Variants in CPXM2 observed in about 807,000 individuals in gnomAD.
The protein encoded by CPXM2 is carboxypeptidase X, M14 family member 2.
Under a neutral mutation model 86.1 loss-of-function variants are expected in CPXM2, and 66 were observed. That is an observed-to-expected ratio of 0.77 (90% CI 0.63 to 0.94). The LOEUF (loss-of-function observed/expected upper bound fraction) is 0.94. Among genes scored for constraint, CPXM2 ranks in the 40% least tolerant of loss-of-function variants. The probability of loss-of-function intolerance (pLI) is 0.00; values close to 1 mark genes in which losing one functional copy is unlikely to be tolerated. For missense variants in CPXM2, 948 were observed against 1,026.3 expected (o/e 0.92, Z 1.04); for synonymous variants, 388 against 400.2 (o/e 0.97, Z 0.36).
chr10:123,839,204 T>C (rs1848335803), intron 4 of CPXM2, among the ~76,000 whole-genome samples: 1 of 152,140 alleles, frequency 6.6e-6, no homozygotes, highest in Non-Finnish European at 1.5e-5. Flanking sequence ...AGTTATCCCA[T>C]TTTTAGAGAA....
At chr10:123,805,744 G>T (rs1259691763) in intron 4 of CPXM2, among the ~76,000 whole-genome samples, 2 of 150,852 alleles carry the variant, frequency 1.3e-5, no homozygotes, top group Non-Finnish European at 3.0e-5. Context: ...TATTAAGATT[G>T]GAAAAAAAAT....
At chr10:123,747,107 G>C in intron 13 of CPXM2, 90 bp from the exon 14 acceptor site, 1 of 1,466,226 alleles carries the variant, frequency 6.8e-7, no homozygotes, top group East Asian at 2.3e-5. Flanking sequence ...CCCTGGGCCA[G>C]AGAGAGACTC....
At chr10:123,902,270 C>T (rs775948997) in intron 2 of CPXM2, among the ~76,000 whole-genome samples, 3 of 152,172 alleles carry the variant, frequency 2.0e-5, no homozygotes, top group Admixed American at 6.5e-5. Context: ...TGGGCCTGAG[C>T]GCCTCCCATT....
intron 4 of CPXM2, among the ~76,000 whole-genome samples, chr10:123,834,986 C>T (rs2134139503): frequency 6.6e-6 from 1 of 152,340 alleles, no homozygotes; most frequent in South Asian, 2.1e-4. Context: ...CAGCCTGAGG[C>T]TTTCACCAGA....
chr10:123,904,910 T>TTACCTCTG (rs879353583), intron 2 of CPXM2, among the ~76,000 whole-genome samples: 2 of 130,430 alleles, frequency 1.5e-5, no homozygotes, highest in Admixed American at 1.6e-4. Flanking sequence ...GAGCTCTGCA[T>TTACCTCTG]CACACCTGCA....
intron 2 of CPXM2, among the ~76,000 whole-genome samples, chr10:123,867,966 T>TA (rs760015272): frequency 1.9e-4 from 29 of 152,300 alleles, no homozygotes; most frequent in Admixed American, 6.5e-4. Context: ...AGGAAACCAC[T>TA]TGCAAAGCAT....
chr10:123,912,507 C>G (rs1017110991), intron 2 of CPXM2, among the ~76,000 whole-genome samples: 23 of 152,356 alleles, frequency 1.5e-4, no homozygotes, highest in African/African-American at 5.5e-4. Context: ...CTGGTGCCCT[C>G]CCAGACATTG....
chr10:123,874,592 G>A (rs1590088960), intron 2 of CPXM2, among the ~76,000 whole-genome samples: 1 of 152,234 alleles, frequency 6.6e-6, no homozygotes, highest in East Asian at 1.9e-4. Context: ...TTTTTGTAAA[G>A]TTTTAGGGCA....
intron 4 of CPXM2, among the ~76,000 whole-genome samples, chr10:123,838,491 T>C (rs1221619097): frequency 6.6e-6 from 1 of 152,146 alleles, no homozygotes; most frequent in Non-Finnish European, 1.5e-5. Flanking sequence ...ATAAATGTCC[T>C]ATAAAGGAAA....
At chr10:123,784,652 C>A (rs183015588) in intron 6 of CPXM2, among the ~76,000 whole-genome samples, 6 of 152,294 alleles carry the variant, frequency 3.9e-5, no homozygotes, top group Non-Finnish European at 8.8e-5. Flanking sequence ...CCCAGGTATC[C>A]CTGATGTAAA....
At position 123,751,546 on chromosome 10, in the gene CPXM2, G is replaced by C. The variant is rs1338809489; in HGVS notation, c.2017+3117C>G. The stretch of plus-strand genomic sequence containing the variant: ...CCAAAGAATGTCCACACAGGAGCAG[G>C]TCAGTTCAGTACCCACCAAGCAAAG... On this transcript the variant is annotated intron_variant, in intron 13 of 13. Coordinates refer to ENST00000241305, the MANE Select transcript of CPXM2 (RefSeq NM_198148.3). 1.4e-5 allele frequency: 14 copies of C among 985,250 alleles called. No individual in the cohort carries two copies. In the Middle Eastern group the frequency reaches 1.5e-3, roughly 109 times the overall value. The allele number at this position is 985,250 out of a possible 1,614,324, so 61.0% of individuals were successfully genotyped here.
chr10:123,938,741 G>A (rs978437998), intron 2 of CPXM2, among the ~76,000 whole-genome samples: 21 of 152,302 alleles, frequency 1.4e-4, no homozygotes, highest in East Asian at 7.7e-4. Context: ...AGGGCCACCC[G>A]TATACGCTCT....
chr10:123,752,173 G>A (rs570598372), intron 13 of CPXM2: 70 of 985,174 alleles, frequency 7.1e-5, no homozygotes, highest in Middle Eastern at 5.2e-4. Flanking sequence ...CATAATGATC[G>A]CCAACACTCT....
chr10:123,872,433 A>G (rs562973102), intron 2 of CPXM2, among the ~76,000 whole-genome samples: 1 of 152,348 alleles, frequency 6.6e-6, no homozygotes, highest in African/African-American at 2.4e-5. Flanking sequence ...ACAAAAAAGC[A>G]TACAATGTAT....
intron 2 of CPXM2, among the ~76,000 whole-genome samples, chr10:123,917,585 G>A (rs1945543943): frequency 6.6e-6 from 1 of 152,206 alleles, no homozygotes; most frequent in Admixed American, 6.5e-5. Context: ...ACAACCACAT[G>A]TGCTCTCACA....
chr10:123,911,975 G>T (rs1945492105), intron 2 of CPXM2, among the ~76,000 whole-genome samples: 1 of 152,064 alleles, frequency 6.6e-6, no homozygotes, highest in Non-Finnish European at 1.5e-5. Context: ...TATTTGAAAA[G>T]CTTTAGAACA....
chr10:123,842,324 A>AAAGC (rs759286406), intron 4 of CPXM2, 25 bp downstream of exon 4: 7 of 1,613,674 alleles, frequency 4.3e-6, no homozygotes, highest in Non-Finnish European at 5.9e-6. Context: ...CAGGGTCCAG[A>AAAGC]AAGCATATGT....
chr10:123,815,072 T>C (rs2134100186), intron 4 of CPXM2, among the ~76,000 whole-genome samples: 1 of 152,334 alleles, frequency 6.6e-6, no homozygotes, highest in African/African-American at 2.4e-5. Context: ...ACACTCCTAA[T>C]TCATCACTCA....
intron 2 of CPXM2, among the ~76,000 whole-genome samples, chr10:123,864,425 C>G (rs145719700): frequency 7.2e-5 from 11 of 152,344 alleles, no homozygotes; most frequent in Non-Finnish European, 1.3e-4. Context: ...GAACCAGGCA[C>G]AGGTCCTGTC....
Sources: allele counts gnomAD v4.1 joint callset (sites outside exome capture counted in the v4.1 genomes callset), GRCh38; gene constraint gnomAD v4.1.1; transcripts MANE v1.5; gene names NCBI Gene and HGNC (gene_info 2026-07-23, HGNC 2026-07-21).